MRPL42: variants seen among roughly 807,000 people sequenced by gnomAD.
The protein encoded by MRPL42 is large ribosomal subunit protein mL42.
MRPL42 carries 17 observed loss-of-function variants against 17.9 expected under a neutral mutation model. The ratio of observed to expected loss-of-function variants is 0.95; its 90% CI spans 0.65 to 1.42. MRPL42 has a LOEUF of 1.42. MRPL42 is among the 40% of genes most tolerant of loss of function. MRPL42 has a pLI of 0.00. For synonymous variants in MRPL42, 59 were observed against 54.4 expected (o/e 1.08, Z -0.37); for missense variants, 177 against 175.2 (o/e 1.01, Z -0.06).
In MRPL42 at chr12:93,507,178, A is replaced by G. The variant is rs1280860074; in HGVS notation, c.*5957A>G. The G allele has an allele frequency of 3.9e-5, 6 of 152,226 alleles. No individual in the cohort carries two copies. Among genetic ancestry groups the G allele is most frequent in the Non-Finnish European group, 5.9e-5 (4 of 68,034 alleles). The allele number at this position is 152,226 out of a possible 1,614,324, so 9.4% of individuals were successfully genotyped here. A position where few individuals can be genotyped will look rare whatever the true frequency, so the allele number is the denominator to read the frequency against. The stretch of plus-strand genomic sequence containing the variant: ...CTTGTAATGTTTGCCAGTTTCCATG[A>G]CTGGGTCTTACAAGTTGTTGTGCAC... On this transcript the variant is annotated 3_prime_UTR_variant, in exon 6 of 6. Coordinates refer to ENST00000549982, the MANE Select transcript of MRPL42 (RefSeq NM_014050.4).
At chr12:93,487,384 C>T in intron 4 of MRPL42, 113 bp from the exon 5 acceptor site, 3 of 922,262 alleles carry the variant, frequency 3.3e-6, no homozygotes, top group Non-Finnish European at 4.7e-6. Flanking sequence ...ATTTGCCCAC[C>T]CTAAAGTACT....
chr12:93,488,295 G>C (rs2121237360), intron 5 of MRPL42: 1 of 398,306 alleles, frequency 2.5e-6, no homozygotes, highest in South Asian at 1.3e-4. Context: ...GTAGAGGCAA[G>C]GTCTCACTCA....
At chr12:93,500,147 T>G (rs1953563169) in intron 5 of MRPL42, among the ~76,000 whole-genome samples, 1 of 152,194 alleles carries the variant, frequency 6.6e-6, no homozygotes, top group South Asian at 2.1e-4. Context: ...TACATAAGTT[T>G]TGTTAGTTTG....
chr12:93,471,978 C>T (rs1183027240), intron 2 of MRPL42, among the ~76,000 whole-genome samples: 2 of 152,152 alleles, frequency 1.3e-5, no homozygotes, highest in African/African-American at 2.4e-5. Flanking sequence ...CACACAGGCC[C>T]ATCAGAAAAC....
intron 5 of MRPL42, among the ~76,000 whole-genome samples, chr12:93,497,987 C>G (rs1430490682): frequency 1.6e-5 from 2 of 125,212 alleles, no homozygotes; most frequent in Non-Finnish European, 3.3e-5. Flanking sequence ...ACATGTCCTT[C>G]CTTCCATCTC....
intron 5 of MRPL42, among the ~76,000 whole-genome samples, chr12:93,493,815 CCTAATGAT>C (rs1382782517): frequency 0.034 from 48 of 1,420 alleles, no homozygotes; most frequent in African/African-American, 0.041. Flanking sequence ...ATGTGTAGAT[CCTAATGAT>C]TCTGTAGTAC....
intron 3 of MRPL42, among the ~76,000 whole-genome samples, chr12:93,478,675 G>A (rs909518311): frequency 2.6e-5 from 4 of 152,132 alleles, no homozygotes; most frequent in Non-Finnish European, 4.4e-5. Flanking sequence ...CTATCTTCTC[G>A]TGAAGAAATC....
chr12:93,467,597 A>G (rs1389388594), intron 1 of MRPL42, 43 bp downstream of exon 1: 2 of 152,702 alleles, frequency 1.3e-5, no homozygotes, highest in Non-Finnish European at 2.9e-5. Flanking sequence ...ACTTCCTCGA[A>G]ACTGGGCAGT....
intron 2 of MRPL42, 27 bp from the exon 3 acceptor site, chr12:93,476,927 C>T: frequency 6.4e-7 from 1 of 1,574,596 alleles, no homozygotes; most frequent in Non-Finnish European, 8.7e-7. Flanking sequence ...TTAACCAAAT[C>T]TGTTTTACTG....
In MRPL42 at chr12:93,484,885, A is replaced by G. The variant is rs370516664; in HGVS notation, c.220-2612A>G. Among the ~76,000 whole-genome samples, 539 of 148,624 alleles carry G rather than the reference A, an allele frequency of 3.6e-3. 6 individuals carry two copies. Among genetic ancestry groups the G allele is most frequent in the African/African-American group, 0.012 (482 of 40,400 alleles). ...AGTGCTGGGATTACAGGCATGAGTCACTGCGCCCGGCCTCAAAACATTCTT... is the reference window on the plus strand; with the variant it reads ...AGTGCTGGGATTACAGGCATGAGTCGCTGCGCCCGGCCTCAAAACATTCTT... On this transcript the variant is annotated intron_variant, in intron 4 of 5. Transcript: ENST00000549982.
In MRPL42 at chr12:93,501,224, C is replaced by T. The variant is rs763837940; in HGVS notation, c.*3C>T. ...TGAATCCTCCAAAAGACAGATGATG[C>T]GGAGGTTCCTGGGGGAATCAAAGAG... On this transcript the variant is annotated 3_prime_UTR_variant, in exon 6 of 6. Transcript: ENST00000549982. 4.3e-5 allele frequency: 68 copies of T among 1,599,930 alleles called. 1 individual carries two copies. The East Asian group carries it at 1.4e-3, about 32-fold the overall frequency.
chr12:93,505,099 G>GT lies in MRPL42; in HGVS notation c.*3879dup, dbSNP rs1247616739. 6.6e-6 allele frequency: 1 copy of GT among 152,172 alleles called. No homozygotes were observed. Among genetic ancestry groups the GT allele is most frequent in the Non-Finnish European group, 1.5e-5 (1 of 68,034 alleles). 9.4% of individuals were successfully genotyped at this position (152,172 alleles called of 1,614,324 possible). A position where few individuals can be genotyped will look rare whatever the true frequency, so the allele number is the denominator to read the frequency against. ...ATGTGTTTTCCTGGGGATAGAGTAT[G>GT]TAGTTTCTCAGCAACTCATTACAGT... is the stretch of plus-strand genomic sequence containing the variant. On this transcript the variant is annotated 3_prime_UTR_variant, in exon 6 of 6. Transcript: ENST00000549982.
intron 5 of MRPL42, among the ~76,000 whole-genome samples, chr12:93,496,643 T>TAA (rs35375116): frequency 0.21 from 14,673 of 70,312 alleles, 1,608 homozygotes; most frequent in African/African-American, 0.22. Context: ...TCAGATTAGG[T>TAA]AAAAAAAAAA....
At position 93,477,145 on chromosome 12, in the gene MRPL42, AATTATTTTAATGATTTTAT is replaced by A. The variant is rs1414536388; in HGVS notation, c.134+129_134+147del. 9 of 668,962 alleles carry A rather than the reference AATTATTTTAATGATTTTAT, an allele frequency of 1.3e-5. No homozygotes were observed. The African/African-American group carries it at 1.5e-4, about 11-fold the overall frequency. The allele number at this position is 668,962 out of a possible 1,614,324, so 41.4% of individuals were successfully genotyped here. A position where few individuals can be genotyped will look rare whatever the true frequency, so the allele number is the denominator to read the frequency against. ...TTCTTTCCTTAATTTTGTTTTTAAA[AATTATTTTAATGATTTTAT>A]TTACCCAGTATCTGGGCTTATAAAC... On this transcript the variant is annotated intron_variant, in intron 3 of 5. Coordinates refer to ENST00000549982, the MANE Select transcript of MRPL42 (RefSeq NM_014050.4).
chr12:93,479,670 A>G (rs1195689159), intron 4 of MRPL42, among the ~76,000 whole-genome samples, 198 bp downstream of exon 4: 2 of 152,104 alleles, frequency 1.3e-5, no homozygotes, highest in African/African-American at 4.8e-5. Flanking sequence ...AGAATACAAA[A>G]TGAACCATTT....
intron 4 of MRPL42, among the ~76,000 whole-genome samples, chr12:93,486,616 G>A (rs1880753163): frequency 6.6e-6 from 1 of 152,076 alleles, no homozygotes; most frequent in African/African-American, 2.4e-5. Context: ...GGGATTACAG[G>A]CGTGAGCCAC....
At chr12:93,478,932 T>TG (rs1880319795) in intron 3 of MRPL42, among the ~76,000 whole-genome samples, 1 of 148,570 alleles carries the variant, frequency 6.7e-6, no homozygotes, top group Admixed American at 6.7e-5. Context: ...ATTTATTTAT[T>TG]TATTTATTTA....
chr12:93,511,570 A>G lies in MRPL42; in HGVS notation c.*10349A>G, dbSNP rs1483341092. ...TTGAAATATCCAGGAAGATCAACCC[A>G]TAGAACAAAGAAAGCTAATAAATTA... On this transcript the variant is annotated 3_prime_UTR_variant, in exon 6 of 6. Coordinates refer to ENST00000549982, the MANE Select transcript of MRPL42 (RefSeq NM_014050.4). 6.6e-6 allele frequency: 1 copy of G among 152,228 alleles called. No homozygotes were observed. The highest frequency in any genetic ancestry group is 1.5e-5 in the Non-Finnish European group (1 of 68,026). The allele number at this position is 152,228 out of a possible 1,614,324, so 9.4% of individuals were successfully genotyped here.
rs1241007813 is a variant in MRPL42 at position 93,505,580 on chromosome 12, C to G, written c.*4359C>G. The G allele has an allele frequency of 6.6e-6, 1 of 152,084 alleles. No homozygotes were observed. Among genetic ancestry groups the G allele is most frequent in the Non-Finnish European group, 1.5e-5 (1 of 68,022 alleles). 9.4% of individuals were successfully genotyped at this position (152,084 alleles called of 1,614,324 possible). On this transcript the variant is annotated 3_prime_UTR_variant, in exon 6 of 6. Transcript: ENST00000549982. ...ATTCTAACACCAAAGAAAGATACTC[C>G]CAATTGAGCTCAGCCATCAGCCTCC...
Sources: allele counts gnomAD v4.1 joint callset (sites outside exome capture counted in the v4.1 genomes callset), GRCh38; gene constraint gnomAD v4.1.1; transcripts MANE v1.5; gene names NCBI Gene and HGNC (gene_info 2026-07-23, HGNC 2026-07-21).